TMEM108: variants seen among roughly 807,000 people sequenced by gnomAD.
TMEM108 encodes the protein cancer/testis antigen 124.
In TMEM108, 12 loss-of-function variants were observed where a neutral mutation model predicts 35.1. The observed-to-expected ratio is 0.34, with a 90% CI of 0.22 to 0.55. The LOEUF (loss-of-function observed/expected upper bound fraction) is 0.55. Among genes scored for constraint, TMEM108 ranks in the 20% least tolerant of loss-of-function variants. The pLI is 0.89. For synonymous variants in TMEM108, 287 were observed against 308.6 expected, an observed-to-expected ratio of 0.93 and a Z score of 0.73; for missense variants, 680 against 753.3, an observed-to-expected ratio of 0.90 and a Z score of 1.14.
chr3:133,390,984 A>G (rs2073226771), intron 5 of TMEM108, among the ~76,000 whole-genome samples: 1 of 152,188 alleles, frequency 6.6e-6, no homozygotes, highest in African/African-American at 2.4e-5. Context: ...GACTTTAACC[A>G]CAGAATCCAT....
intron 2 of TMEM108, among the ~76,000 whole-genome samples, chr3:133,077,724 G>A (rs780042897): frequency 3.4e-4 from 52 of 152,150 alleles, no homozygotes; most frequent in Non-Finnish European, 5.7e-4. Context: ...CTTTGGCCAG[G>A]TAACTTCCTT....
chr3:133,194,526 A>G (rs755280692), intron 2 of TMEM108, among the ~76,000 whole-genome samples: 9 of 152,190 alleles, frequency 5.9e-5, no homozygotes, highest in Non-Finnish European at 7.3e-5. Flanking sequence ...ACCAGAATCA[A>G]AAATGAAAAC....
intron 3 of TMEM108, among the ~76,000 whole-genome samples, chr3:133,237,426 C>T (rs1946254842): frequency 6.6e-6 from 1 of 152,058 alleles, no homozygotes; most frequent in African/African-American, 2.4e-5. Flanking sequence ...TTTAATAGTC[C>T]TCTGTTTATT....
At chr3:133,124,783 G>A (rs1304576305) in intron 2 of TMEM108, 1 of 152,234 alleles carries the variant, frequency 6.6e-6, no homozygotes, top group East Asian at 1.9e-4. Flanking sequence ...TGTGTTGGTT[G>A]CCATAGGAAT....
chr3:133,374,886 C>T (rs1217909259), intron 3 of TMEM108, among the ~76,000 whole-genome samples: 2 of 152,124 alleles, frequency 1.3e-5, no homozygotes, highest in African/African-American at 4.8e-5. Flanking sequence ...AATGGCAGAG[C>T]CCCCTGGGGA....
chr3:133,282,548 T>C (rs1227794830), intron 3 of TMEM108, among the ~76,000 whole-genome samples: 3 of 152,250 alleles, frequency 2.0e-5, no homozygotes, highest in Non-Finnish European at 2.9e-5. Flanking sequence ...CTTCAGCTTG[T>C]CATTTTAATT....
rs1315867716 is a variant in TMEM108, at chr3:133,181,567, CAG to C, written c.-46-47695_-46-47694del. On this transcript the variant is annotated intron_variant, in intron 2 of 5. Coordinates refer to ENST00000321871, the MANE Select transcript of TMEM108 (RefSeq NM_023943.4). The stretch of plus-strand genomic sequence containing the variant: ...TCCCTTCCCACAGCCCAGACCCAGA[CAG>C]AGATTGATTGCCCTCTTATGAAGAA... Among the ~76,000 whole-genome samples the C allele has an allele frequency of 2.6e-5, 4 of 152,230 alleles. No individual in the cohort carries two copies. The East Asian group carries it at 7.7e-4, about 29-fold the overall frequency.
intron 3 of TMEM108, among the ~76,000 whole-genome samples, chr3:133,236,327 G>A (rs981063257): frequency 3.9e-5 from 6 of 152,002 alleles, no homozygotes; most frequent in African/African-American, 7.2e-5. Context: ...AGGAAAAGGA[G>A]GGGAAGAAGG....
intron 3 of TMEM108, among the ~76,000 whole-genome samples, chr3:133,362,431 C>T (rs1201587442): frequency 5.3e-5 from 8 of 152,136 alleles, no homozygotes; most frequent in Admixed American, 2.6e-4. Flanking sequence ...GCCAGAGCTA[C>T]CAAATCCTTT....
At chr3:133,188,471 T>A (rs556067187) in intron 2 of TMEM108, among the ~76,000 whole-genome samples, 1 of 151,006 alleles carries the variant, frequency 6.6e-6, no homozygotes, top group African/African-American at 2.4e-5. Context: ...GGGAAGTGAA[T>A]ACGGATAATT....
At position 133,303,642 on chromosome 3, in the gene TMEM108, A is replaced by G. The variant is rs190903371; in HGVS notation, c.40+74291A>G. Reference sequence around the variant, plus strand: ...ATGAACATGAAAGCATGCCCTAGTCATAAACACACACACACACACATCCTT... The same window carrying G: ...ATGAACATGAAAGCATGCCCTAGTCGTAAACACACACACACACACATCCTT... On this transcript the variant is annotated intron_variant, in intron 3 of 5. Coordinates refer to ENST00000321871, the MANE Select transcript of TMEM108 (RefSeq NM_023943.4). Among the ~76,000 whole-genome samples, 5 of 152,234 alleles carry G rather than the reference A, an allele frequency of 3.3e-5. No homozygotes were observed. The East Asian group carries it at 5.8e-4, about 18-fold the overall frequency.
intron 3 of TMEM108, among the ~76,000 whole-genome samples, chr3:133,301,732 A>G (rs1289410044): frequency 6.6e-6 from 1 of 152,206 alleles, no homozygotes; most frequent in Non-Finnish European, 1.5e-5. Flanking sequence ...GCCTGTACCG[A>G]CTAACTTTAT....
intron 3 of TMEM108, among the ~76,000 whole-genome samples, chr3:133,238,989 C>T (rs1159343950): frequency 1.3e-5 from 2 of 152,114 alleles, no homozygotes; most frequent in Admixed American, 6.5e-5. Context: ...GTTGTCTTCC[C>T]TTGTGTTTTA....
At chr3:133,269,436 A>T (rs1451700201) in intron 3 of TMEM108, among the ~76,000 whole-genome samples, 1 of 152,114 alleles carries the variant, frequency 6.6e-6, no homozygotes, top group African/African-American at 2.4e-5. Flanking sequence ...CCAGGCATGA[A>T]CCGTTGTCCC....
chr3:133,140,998 CTGACTATAGAGGTTCACTCCAA>C (rs1944633447), intron 2 of TMEM108, among the ~76,000 whole-genome samples: 1 of 152,132 alleles, frequency 6.6e-6, no homozygotes, highest in Non-Finnish European at 1.5e-5. Context: ...GGGAGAGGTA[CTGACTATAGAGGTTCACTCCAA>C]AAGGATCCGG....
At chr3:133,352,255 G>A (rs1452695372) in intron 3 of TMEM108, among the ~76,000 whole-genome samples, 3 of 152,058 alleles carry the variant, frequency 2.0e-5, no homozygotes, top group African/African-American at 4.8e-5. Context: ...GAAAACGCAG[G>A]TTCAAGTTTC....
chr3:133,083,975 A>G (rs183067443), intron 2 of TMEM108, among the ~76,000 whole-genome samples: 5 of 152,320 alleles, frequency 3.3e-5, no homozygotes, highest in African/African-American at 7.2e-5. Context: ...GACACTGAAG[A>G]TGAATCTCTT....
chr3:133,158,102 C>T (rs1369776557), intron 2 of TMEM108, among the ~76,000 whole-genome samples: 32 of 152,002 alleles, frequency 2.1e-4, no homozygotes, highest in Admixed American at 2.0e-3. Context: ...CAGATTCAGA[C>T]AACAACAAAC....
At chr3:133,256,221 T>G (rs901265703) in intron 3 of TMEM108, among the ~76,000 whole-genome samples, 1 of 152,186 alleles carries the variant, frequency 6.6e-6, no homozygotes, top group African/African-American at 2.4e-5. Flanking sequence ...GAATTAAAGA[T>G]CTGATCAAAT....
Sources: gnomAD v4.1 joint callset for allele counts (sites outside exome capture counted in the v4.1 genomes callset) on GRCh38, gnomAD v4.1.1 for gene constraint, MANE v1.5 for transcripts, NCBI Gene and HGNC (gene_info 2026-07-23, HGNC 2026-07-21) for gene names.